The following DCLK2 variants were observed in gnomAD, a reference collection of about 807,000 sequenced individuals.
DCLK2 encodes doublecortin like kinase 2, also known as serine/threonine-protein kinase DCLK2.
Under a neutral mutation model 78.4 loss-of-function variants are expected in DCLK2, and 31 were observed. The observed-to-expected ratio is 0.40, with a 90% CI of 0.30 to 0.53. The LOEUF is 0.53. DCLK2 is among the 20% of genes least tolerant of loss of function. DCLK2 has a pLI of 0.61. For synonymous variants in DCLK2, 407 were observed against 374.9 expected (o/e 1.09, Z -0.99); for missense variants, 872 against 973.7 (o/e 0.90, Z 1.39).
chr4:150,092,329 G>A (rs1730140214), intron 1 of DCLK2, among the ~76,000 whole-genome samples: 2 of 152,130 alleles, frequency 1.3e-5, no homozygotes, highest in African/African-American at 4.8e-5. Context: ...ATACCCCAAA[G>A]TACAATTGCT....
chr4:150,227,154 T>C (rs1236246553), intron 8 of DCLK2, among the ~76,000 whole-genome samples: 1 of 152,168 alleles, frequency 6.6e-6, no homozygotes, highest in Non-Finnish European at 1.5e-5. Flanking sequence ...GGCTGTTTGG[T>C]TACACAGCCT....
chr4:150,235,096 C>T (rs1742388818), intron 10 of DCLK2, among the ~76,000 whole-genome samples: 1 of 152,178 alleles, frequency 6.6e-6, no homozygotes, highest in Non-Finnish European at 1.5e-5. Context: ...ATGGGAGCCA[C>T]AGGTTCCCAA....
At chr4:150,197,277 A>G (rs1194518482) in intron 3 of DCLK2, among the ~76,000 whole-genome samples, 1 of 152,250 alleles carries the variant, frequency 6.6e-6, no homozygotes, top group African/African-American at 2.4e-5. Context: ...CCCTTTTAAA[A>G]TAAGGCAGTC....
At chr4:150,172,018 T>A (rs931155444) in intron 2 of DCLK2, among the ~76,000 whole-genome samples, 1 of 152,214 alleles carries the variant, frequency 6.6e-6, no homozygotes. Flanking sequence ...GTGTCTCTTA[T>A]GTTCTGCTTA....
chr4:150,129,262 A>G (rs1316453316), intron 2 of DCLK2, among the ~76,000 whole-genome samples: 1 of 152,122 alleles, frequency 6.6e-6, no homozygotes, highest in Non-Finnish European at 1.5e-5. Context: ...AAATTGTTTG[A>G]GTGCCACAGA....
intron 1 of DCLK2, among the ~76,000 whole-genome samples, chr4:150,087,785 GT>G (rs1251036239): frequency 6.6e-6 from 1 of 152,218 alleles, no homozygotes; most frequent in African/African-American, 2.4e-5. Context: ...GTGACCTACA[GT>G]CAAACCAGGT....
intron 2 of DCLK2, among the ~76,000 whole-genome samples, chr4:150,185,156 A>C (rs1258535715): frequency 6.6e-6 from 1 of 152,184 alleles, no homozygotes; most frequent in Non-Finnish European, 1.5e-5. Flanking sequence ...GGAAACTTAC[A>C]ATCATGCCAA....
rs142188331 is a variant in DCLK2, at chr4:150,151,274, A to G, written c.757-41864A>G. Among the ~76,000 whole-genome samples the G allele has an allele frequency of 2.5e-3, 378 of 152,344 alleles. 1 individual carries two copies. Among genetic ancestry groups the G allele is most frequent in the Middle Eastern group, 0.01 (3 of 294 alleles). ...TCTGGAAAGGGTAACCAGCCAACAT[A>G]AAGAATTTGCAGAGGACTCAGTGAA... is the stretch of plus-strand genomic sequence containing the variant. On this transcript the variant is annotated intron_variant, in intron 2 of 15. Coordinates refer to ENST00000296550, the MANE Select transcript of DCLK2 (RefSeq NM_001040260.4).
At chr4:150,212,228 G>C (rs775501488) in intron 5 of DCLK2, among the ~76,000 whole-genome samples, 3 of 152,188 alleles carry the variant, frequency 2.0e-5, no homozygotes, top group Non-Finnish European at 2.9e-5. Context: ...CTGATGTGCT[G>C]ATATTTTATC....
chr4:150,109,359 G>A (rs549506796), intron 2 of DCLK2, among the ~76,000 whole-genome samples: 237 of 149,128 alleles, frequency 1.6e-3, no homozygotes, highest in Non-Finnish European at 2.4e-3. Flanking sequence ...TCTCTGAGAC[G>A]GAGTCTGGCT....
At chr4:150,190,842 A>G (rs1437914152) in intron 2 of DCLK2, among the ~76,000 whole-genome samples, 1 of 152,208 alleles carries the variant, frequency 6.6e-6, no homozygotes, top group Non-Finnish European at 1.5e-5. Flanking sequence ...ACAAAACACC[A>G]GCAGTTTGGG....
intron 2 of DCLK2, among the ~76,000 whole-genome samples, chr4:150,183,987 G>A (rs1737719854): frequency 6.6e-6 from 1 of 152,074 alleles, no homozygotes; most frequent in Non-Finnish European, 1.5e-5. Context: ...GCCTGCCTTG[G>A]CCTCCCTAAG....
intron 12 of DCLK2, among the ~76,000 whole-genome samples, chr4:150,245,059 ACAT>A (rs773806639): frequency 1.3e-5 from 2 of 152,326 alleles, no homozygotes; most frequent in East Asian, 1.9e-4. Flanking sequence ...TCTTTTTCTA[ACAT>A]CATATGTTGG....
In DCLK2 at chr4:150,079,241, A is replaced by G; in HGVS notation, c.214A>G (p.Lys72Glu). 1 of 1,609,526 alleles carries G rather than the reference A, an allele frequency of 6.2e-7. No individual in the cohort carries two copies. Among genetic ancestry groups the G allele is most frequent in the Non-Finnish European group, 8.5e-7 (1 of 1,178,102 alleles). The change falls in exon 1 of 16, where the codon AAG (lysine) becomes GAG (glutamate). Residue 72 changes from lysine (K) to glutamate (E), a missense_variant. Lys to Glu is a moderately conservative substitution (Grantham distance 56, BLOSUM62 1). Coordinates refer to ENST00000296550, the MANE Select transcript of DCLK2 (RefSeq NM_001040260.4). ...GGCCCTCAGCTCGGAGAAGAAGGCC[A>G]AGAAGGCGCGCTTCTACCGGAACGG... ...LQALSSEKKAKKARFYRNGDR... is the reference protein window; with the variant it reads ...LQALSSEKKAEKARFYRNGDR...
chr4:150,106,564 C>G (rs28360726), intron 2 of DCLK2, among the ~76,000 whole-genome samples: 1 of 152,086 alleles, frequency 6.6e-6, no homozygotes, highest in Admixed American at 6.5e-5. Flanking sequence ...GCTTCCTACC[C>G]AGATTGGTTG....
intron 8 of DCLK2, 67 bp downstream of exon 8, chr4:150,224,625 G>T: frequency 7.2e-7 from 1 of 1,387,936 alleles, no homozygotes; most frequent in South Asian, 1.3e-5. Flanking sequence ...TTACTGTGAT[G>T]AAGGAATTTA....
intron 10 of DCLK2, among the ~76,000 whole-genome samples, chr4:150,237,413 G>A (rs1201375472): frequency 1.3e-5 from 2 of 151,942 alleles, no homozygotes; most frequent in Non-Finnish European, 2.9e-5. Flanking sequence ...TATCTATGAG[G>A]GACTCAAAAT....
At chr4:150,179,597 T>C (rs1379697602) in intron 2 of DCLK2, among the ~76,000 whole-genome samples, 1 of 152,206 alleles carries the variant, frequency 6.6e-6, no homozygotes, top group Non-Finnish European at 1.5e-5. Context: ...GGTTGACTAA[T>C]CTTATTTTTA....
intron 1 of DCLK2, among the ~76,000 whole-genome samples, chr4:150,098,500 A>C (rs1445936982): frequency 6.6e-6 from 1 of 152,034 alleles, no homozygotes; most frequent in Non-Finnish European, 1.5e-5. Context: ...GTCCTAGTTG[A>C]ACTCTAATTT....
Sources: allele counts gnomAD v4.1 joint callset (sites outside exome capture counted in the v4.1 genomes callset), GRCh38; gene constraint gnomAD v4.1.1; transcripts MANE v1.5; gene names NCBI Gene and HGNC (gene_info 2026-07-23, HGNC 2026-07-21).